CATSPERD: variants seen among roughly 807,000 people sequenced by gnomAD.
The protein encoded by CATSPERD is cation channel sperm-associated auxiliary subunit delta.
In CATSPERD, 86 loss-of-function variants were observed where a neutral mutation model predicts 98.1. The observed-to-expected ratio is 0.88, with a 90% CI of 0.74 to 1.05. The LOEUF (loss-of-function observed/expected upper bound fraction) is 1.05, where lower values mean the gene tolerates loss of function less well. Among genes scored for constraint, CATSPERD ranks in the 50% least tolerant of loss-of-function variants. The probability of loss-of-function intolerance (pLI) is 0.00; values close to 1 mark genes in which losing one functional copy is unlikely to be tolerated. For synonymous variants in CATSPERD, 394 were observed against 390.2 expected (o/e 1.01, Z -0.12); for missense variants, 995 against 1,005.7 (o/e 0.99, Z 0.14).
chr19:5,733,739 G>T, intron 4 of CATSPERD, 117 bp from the exon 5 acceptor site: 1 of 700,352 alleles, frequency 1.4e-6, no homozygotes, highest in Non-Finnish European at 2.4e-6. Context: ...TACAAGCGAG[G>T]GCCACCGCGC....
At position 5,744,404 on chromosome 19, in the gene CATSPERD, A is replaced by T. The variant is rs754961085; in HGVS notation, c.574-23A>T. ...TGTGTATTAAGATTTATTCATCTGA[A>T]GTCTTTTCTGTTTGTTTCATAGGCA... On this transcript the variant is annotated intron_variant, in intron 7 of 21. Transcript: ENST00000381624. 7 of 1,587,852 alleles carry T rather than the reference A, an allele frequency of 4.4e-6. No homozygotes were observed. In the South Asian group the frequency reaches 6.7e-5, roughly 15 times the overall value.
At chr19:5,754,847 C>T (rs1240807647) in intron 13 of CATSPERD, among the ~76,000 whole-genome samples, 27 of 137,830 alleles carry the variant, frequency 2.0e-4, no homozygotes, top group African/African-American at 6.3e-4. Flanking sequence ...TCTTCTTCTT[C>T]TTTTTTTTTT....
intron 14 of CATSPERD, among the ~76,000 whole-genome samples, chr19:5,758,441 G>A (rs533390764): frequency 9.9e-5 from 15 of 151,978 alleles, no homozygotes; most frequent in Admixed American, 3.9e-4. Flanking sequence ...AACAGAGCAG[G>A]GCTTGGCTGG....
chr19:5,720,941 C>T (rs2055450049), intron 1 of CATSPERD, 133 bp downstream of exon 1: 2 of 662,766 alleles, frequency 3.0e-6, no homozygotes, highest in Non-Finnish European at 5.0e-6. Flanking sequence ...TCGAACTTGA[C>T]GCCTCGCTCA....
chr19:5,770,980 C>G lies in CATSPERD; in HGVS notation c.1671C>G (p.Ser557=), dbSNP rs1170924703. 1 of 1,613,484 alleles carries G rather than the reference C, an allele frequency of 6.2e-7. No individual in the cohort carries two copies. Among genetic ancestry groups the G allele is most frequent in the East Asian group, 2.2e-5 (1 of 44,874 alleles). ...ACCCCGGCTTCCAGGGGCAGCAGTC[C>G]TCCGAGGACCTGCACGTGTTTTACT... The part of the protein sequence containing the change: ...FYDPGFQGQQ[S]SEDLHVFYSY... Residue 557 remains serine, a synonymous_variant, in exon 19 of 22, where the codon TCC becomes TCG. Transcript: ENST00000381624.
chr19:5,763,548 C>T (rs575638182), intron 16 of CATSPERD, among the ~76,000 whole-genome samples: 8 of 152,126 alleles, frequency 5.3e-5, no homozygotes, highest in Admixed American at 2.0e-4. Context: ...AAGCCAGGCA[C>T]GAAAGGACAA....
At chr19:5,748,905 T>G (rs554663467) in intron 10 of CATSPERD, among the ~76,000 whole-genome samples, 196 bp from the exon 11 acceptor site, 1 of 151,502 alleles carries the variant, frequency 6.6e-6, no homozygotes, top group African/African-American at 2.4e-5. Context: ...ATTTTTGTAT[T>G]TTTAGTAGAA....
intron 16 of CATSPERD, 100 bp downstream of exon 16, chr19:5,763,393 C>A: frequency 1.2e-6 from 1 of 862,366 alleles, no homozygotes; most frequent in Non-Finnish European, 1.9e-6. Flanking sequence ...AGTGCCACTG[C>A]ACTCCAACCT....
chr19:5,741,785 C>CGGGGGGGGGGGGGGGGG (rs762072689), intron 7 of CATSPERD, among the ~76,000 whole-genome samples: 1 of 6,112 alleles, frequency 1.6e-4, no homozygotes, highest in African/African-American at 3.9e-4. Flanking sequence ...ATGCTGAAGG[C>CGGGGGGGGGGGGGGGGG]GGGGGGGGGG....
In CATSPERD at chr19:5,747,819, C is replaced by T. The variant is rs147410291; in HGVS notation, c.809-341C>T. On this transcript the variant is annotated intron_variant, in intron 9 of 21. Transcript: ENST00000381624. ...TAGAGACAAGGTTTTGCCATGTTGGCCAGCCTGATCTCGAACTCCTGACTT... is the reference window on the plus strand; with the variant it reads ...TAGAGACAAGGTTTTGCCATGTTGGTCAGCCTGATCTCGAACTCCTGACTT... Among the ~76,000 whole-genome samples the T allele has an allele frequency of 8.6e-4, 131 of 152,082 alleles. 1 individual carries two copies. Among genetic ancestry groups the T allele is most frequent in the Middle Eastern group, 6.8e-3 (2 of 294 alleles).
intron 11 of CATSPERD, among the ~76,000 whole-genome samples, chr19:5,749,708 G>A (rs76292794): frequency 1.8e-3 from 268 of 152,068 alleles, no homozygotes; most frequent in African/African-American, 6.3e-3. Context: ...GAAAAACTGA[G>A]GCACAGAGAC....
intron 18 of CATSPERD, among the ~76,000 whole-genome samples, chr19:5,768,502 A>G (rs1210950352): frequency 6.6e-6 from 1 of 151,468 alleles, no homozygotes; most frequent in Non-Finnish European, 1.5e-5. Context: ...AGGCACGGCT[A>G]ATTTGTTTTA....
chr19:5,778,678 G>C lies in CATSPERD; in HGVS notation c.*2G>C. The stretch of plus-strand genomic sequence containing the variant: ...CACGGAGGCAGGTCTGACCACTGAG[G>C]CCGGTCCACAGGGTCCCAACCCCTT... On this transcript the variant is annotated 3_prime_UTR_variant, in exon 22 of 22. Transcript: ENST00000381624. 1 of 1,610,354 alleles carries C rather than the reference G, an allele frequency of 6.2e-7. No homozygotes were observed. The highest frequency in any genetic ancestry group is 8.5e-7 in the Non-Finnish European group (1 of 1,178,218).
At chr19:5,752,809 C>T (rs1599557829) in intron 12 of CATSPERD, among the ~76,000 whole-genome samples, 1 of 152,008 alleles carries the variant, frequency 6.6e-6, no homozygotes, top group South Asian at 2.1e-4. Flanking sequence ...GGGCGGATCA[C>T]CTGAGGTCAG....
At chr19:5,734,024 AG>A (rs2055790199) in intron 5 of CATSPERD, 54 bp downstream of exon 5, 2 of 1,030,948 alleles carry the variant, frequency 1.9e-6, no homozygotes, top group South Asian at 2.8e-5. Context: ...ACATGAGAGA[AG>A]AGGGTATTAG....
intron 18 of CATSPERD, among the ~76,000 whole-genome samples, chr19:5,768,464 G>A (rs926751187): frequency 2.6e-5 from 4 of 151,754 alleles, no homozygotes; most frequent in Non-Finnish European, 4.4e-5. Context: ...AGCCTCCTGA[G>A]TAGTTGGGAC....
chr19:5,752,397 C>A (rs1439484382), intron 12 of CATSPERD, among the ~76,000 whole-genome samples: 1 of 151,970 alleles, frequency 6.6e-6, no homozygotes. Flanking sequence ...TCACTTGAGC[C>A]CAGGAGTTCG....
intron 4 of CATSPERD, among the ~76,000 whole-genome samples, chr19:5,731,111 G>GC: frequency 6.7e-6 from 1 of 149,104 alleles, no homozygotes; most frequent in African/African-American, 2.5e-5. Context: ...AAAAAAAAGA[G>GC]CCCCCCAAAT....
intron 20 of CATSPERD, chr19:5,775,121 T>A: frequency 2.7e-6 from 1 of 369,524 alleles, no homozygotes; most frequent in Non-Finnish European, 5.6e-6. Context: ...TGTGGCAGAC[T>A]GCCACGGTTA....
Sources: allele counts gnomAD v4.1 joint callset (sites outside exome capture counted in the v4.1 genomes callset), GRCh38; gene constraint gnomAD v4.1.1; transcripts MANE v1.5; gene names NCBI Gene and HGNC (gene_info 2026-07-23, HGNC 2026-07-21).